GALNT13: variants seen among roughly 807,000 people sequenced by gnomAD.
GALNT13 encodes the protein UDP-GalNAc:polypeptide N-acetylgalactosaminyltransferase 13.
GALNT13 carries 28 observed loss-of-function variants against 64.2 expected under a neutral mutation model. The ratio of observed to expected loss-of-function variants is 0.44; its 90% CI spans 0.32 to 0.60. The LOEUF (loss-of-function observed/expected upper bound fraction) is 0.60, where lower values mean the gene tolerates loss of function less well. GALNT13 is among the 20% of genes least tolerant of loss of function. GALNT13 has a pLI of 0.05. For synonymous variants in GALNT13, 214 were observed against 224.6 expected, an observed-to-expected ratio of 0.95 and a Z score of 0.42; for missense variants, 577 against 669.8, an observed-to-expected ratio of 0.86 and a Z score of 1.53.
At chr2:153,260,140 C>T in the GALNT13 span, among the ~76,000 whole-genome samples, 1 of 152,092 alleles carries the variant, frequency 6.6e-6, no homozygotes, top group Non-Finnish European at 1.5e-5. Context: ...TTTGTCACTT[C>T]TATTTATATC....
chr2:153,746,163 T>C, the GALNT13 span, among the ~76,000 whole-genome samples: 1 of 152,302 alleles, frequency 6.6e-6, no homozygotes, highest in East Asian at 1.9e-4. Context: ...GCAGTACAAA[T>C]ATCACAAGTG....
the GALNT13 span, among the ~76,000 whole-genome samples, chr2:153,756,956 C>T: frequency 1.6e-4 from 25 of 152,152 alleles, no homozygotes; most frequent in East Asian, 3.9e-3. Context: ...TATAGAATCT[C>T]TTCCTTTTTT....
rs1167875826 is a variant in GALNT13, at chr2:153,899,935, ATTTTTT to A, written c.-176-988_-176-983del. 7.9e-3 allele frequency among the ~76,000 whole-genome samples: 779 copies of A among 98,136 alleles called. 7 individuals carry two copies. Among genetic ancestry groups the A allele is most frequent in the African/African-American group, 0.03 (753 of 25,086 alleles). 64.4% of individuals were successfully genotyped at this position (98,136 alleles called of 152,430 possible). ...TATATACATATATATATATATATATATTTTTTTTTTTTTTTTTTGAGATGGAGTCTC... is the reference window on the plus strand; with the variant it reads ...TATATACATATATATATATATATATATTTTTTTTTTTTGAGATGGAGTCTC... On this transcript the variant is annotated intron_variant, in intron 1 of 12. Transcript: ENST00000392825.
chr2:154,192,505 G>A lies in GALNT13; in HGVS notation c.312-49525G>A, dbSNP rs62171194. 9.0e-3 allele frequency among the ~76,000 whole-genome samples: 1,346 copies of A among 150,204 alleles called. 18 individuals carry two copies. The highest frequency in any genetic ancestry group is 0.015 in the Non-Finnish European group (1,034 of 67,724). On this transcript the variant is annotated intron_variant, in intron 4 of 12. Transcript: ENST00000392825. The stretch of plus-strand genomic sequence containing the variant: ...TTTGGGTTATATTTACATTCACATG[G>A]ATTGAATGACATATATATATATATA...
At chr2:153,399,924 G>C in the GALNT13 span, among the ~76,000 whole-genome samples, 6 of 149,626 alleles carry the variant, frequency 4.0e-5, no homozygotes, top group African/African-American at 1.2e-4. Flanking sequence ...ATTTCCTTCT[G>C]CTGCCTAATT....
chr2:153,829,558 C>T, the GALNT13 span, among the ~76,000 whole-genome samples: 1 of 152,072 alleles, frequency 6.6e-6, no homozygotes, highest in Non-Finnish European at 1.5e-5. Context: ...CTGGGTTCTT[C>T]CCATAGCACA....
intron 4 of GALNT13, among the ~76,000 whole-genome samples, chr2:154,160,922 G>A (rs1182998876): frequency 6.6e-6 from 1 of 152,090 alleles, no homozygotes; most frequent in Non-Finnish European, 1.5e-5. Flanking sequence ...CTTTCCAATG[G>A]CTTCTTTTAG....
intron 4 of GALNT13, among the ~76,000 whole-genome samples, chr2:154,152,546 A>T (rs374071123): frequency 1.3e-5 from 2 of 151,808 alleles, no homozygotes; most frequent in Non-Finnish European, 2.9e-5. Context: ...GGTTCCATTC[A>T]CCCCGTCACT....
intron 4 of GALNT13, among the ~76,000 whole-genome samples, chr2:154,240,007 A>C (rs1000755088): frequency 5.9e-5 from 9 of 152,212 alleles, no homozygotes; most frequent in Non-Finnish European, 1.2e-4. Context: ...GAGGTATCTG[A>C]TTCAGTTTAT....
chr2:153,592,147 C>T, the GALNT13 span, among the ~76,000 whole-genome samples: 4 of 151,954 alleles, frequency 2.6e-5, no homozygotes, highest in Non-Finnish European at 5.9e-5. Flanking sequence ...TATCGTCTTA[C>T]AACAGTCAGA....
Position 154,298,573 on chromosome 2 carries a change from A to AATTGTATATATAATTTATATATAC in GALNT13, c.976-2834_976-2811dup, listed in dbSNP as rs1693120356. ...AAATTGTATATATAATTTATATATA[A>AATTGTATATATAATTTATATATAC]ATTGTATATATAATTTATATATACA... On this transcript the variant is annotated intron_variant, in intron 8 of 12. Coordinates refer to ENST00000392825, the MANE Select transcript of GALNT13 (RefSeq NM_052917.4). Among the ~76,000 whole-genome samples, 8 of 10,962 alleles carry AATTGTATATATAATTTATATATAC rather than the reference A, an allele frequency of 7.3e-4. 1 individual carries two copies. The highest frequency in any genetic ancestry group is 1.1e-3 in the Non-Finnish European group (5 of 4,456). The allele number at this position is 10,962 out of a possible 152,430, so 7.2% of individuals were successfully genotyped here.
the GALNT13 span, among the ~76,000 whole-genome samples, chr2:153,414,554 T>TA: frequency 6.7e-6 from 1 of 149,954 alleles, no homozygotes; most frequent in African/African-American, 2.5e-5. Context: ...CAAGAACCAC[T>TA]AAATGAAATG....
chr2:153,825,612 G>GTT, the GALNT13 span, among the ~76,000 whole-genome samples: 16 of 130,434 alleles, frequency 1.2e-4, no homozygotes, highest in Non-Finnish European at 2.3e-4. Context: ...TGAGTGCTGT[G>GTT]TGTGTGTGTG....
chr2:153,174,031 G>C, the GALNT13 span, among the ~76,000 whole-genome samples: 3 of 152,154 alleles, frequency 2.0e-5, no homozygotes, highest in South Asian at 6.2e-4. Context: ...ACATGTTAAG[G>C]CTTGAGAAAT....
intron 3 of GALNT13, among the ~76,000 whole-genome samples, chr2:154,063,749 G>T (rs1700314232): frequency 6.6e-6 from 1 of 152,050 alleles, no homozygotes; most frequent in African/African-American, 2.4e-5. Context: ...TAAATGAGAG[G>T]TCTAGTTTCA....
At position 154,301,520 on chromosome 2, in the gene GALNT13, A is replaced by C. The variant is rs1363067667; in HGVS notation, c.1087A>C (p.Lys363Gln). ...FPGGTGHVIN[K>Q]NNRRLAEVWM... ...TGGTGGCACTGGTCATGTCATCAACAAGAACAACAGGAGACTGGCAGAAGT... is the reference window on the plus strand; with the variant it reads ...TGGTGGCACTGGTCATGTCATCAACCAGAACAACAGGAGACTGGCAGAAGT... The change falls in exon 9 of 13, where the codon AAG (lysine) becomes CAG (glutamine). Residue 363 changes from lysine (K) to glutamine (Q), a missense_variant. Lys to Gln is a moderately conservative substitution (Grantham distance 53, BLOSUM62 1). Coordinates refer to ENST00000392825, the MANE Select transcript of GALNT13 (RefSeq NM_052917.4). 2 of 1,613,800 alleles carry C rather than the reference A, an allele frequency of 1.2e-6. No individual in the cohort carries two copies. Among genetic ancestry groups the C allele is most frequent in the Non-Finnish European group, 8.5e-7 (1 of 1,179,744 alleles).
chr2:153,665,599 C>T, the GALNT13 span, among the ~76,000 whole-genome samples: 1 of 151,998 alleles, frequency 6.6e-6, no homozygotes, highest in Non-Finnish European at 1.5e-5. Flanking sequence ...GAAGAATACC[C>T]ATCATTTAAA....
At chr2:153,990,682 T>G (rs937997633) in intron 3 of GALNT13, among the ~76,000 whole-genome samples, 3 of 152,108 alleles carry the variant, frequency 2.0e-5, no homozygotes, top group Non-Finnish European at 2.9e-5. Flanking sequence ...GGTTTGAGAA[T>G]ATGGAATGAT....
intron 10 of GALNT13, among the ~76,000 whole-genome samples, chr2:154,401,823 T>C (rs1490568012): frequency 6.6e-6 from 1 of 152,158 alleles, no homozygotes; most frequent in Non-Finnish European, 1.5e-5. Context: ...AGATATCAGA[T>C]AACAATAATT....
Sources: gnomAD v4.1 joint callset for allele counts (sites outside exome capture counted in the v4.1 genomes callset) on GRCh38, gnomAD v4.1.1 for gene constraint, MANE v1.5 for transcripts, NCBI Gene and HGNC (gene_info 2026-07-23, HGNC 2026-07-21) for gene names.